The following MICU2 variants were observed in gnomAD, a reference collection of about 807,000 sequenced individuals.
MICU2 encodes mitochondrial calcium uptake 2, also known as calcium uptake protein 2, mitochondrial.
Under a neutral mutation model 60.4 loss-of-function variants are expected in MICU2, and 64 were observed. That is an observed-to-expected ratio of 1.06 (90% confidence interval 0.87 to 1.31). The LOEUF (loss-of-function observed/expected upper bound fraction) is 1.31. Ranked by LOEUF, MICU2 falls within the 50% of genes most tolerant of loss-of-function variation. MICU2 has a pLI of 0.00. For synonymous variants in MICU2, 201 were observed against 175.0 expected (o/e 1.15, Z -1.17); for missense variants, 569 against 531.0 (o/e 1.07, Z -0.70).
intron 2 of MICU2, among the ~76,000 whole-genome samples, chr13:21,554,793 AGAGAG>A (rs1048183810): frequency 3.9e-5 from 6 of 152,158 alleles, no homozygotes; most frequent in African/African-American, 1.4e-4. Flanking sequence ...CTAATAAAGA[AGAGAG>A]AAGAATCAAA....
chr13:21,559,800 C>T (rs958953365), intron 2 of MICU2, among the ~76,000 whole-genome samples: 4 of 152,166 alleles, frequency 2.6e-5, no homozygotes, highest in Non-Finnish European at 5.9e-5. Flanking sequence ...GCTGGGATTA[C>T]AGGGGTGAGC....
chr13:21,549,120 G>T (rs56405037), intron 2 of MICU2, among the ~76,000 whole-genome samples: 2 of 151,344 alleles, frequency 1.3e-5, no homozygotes, highest in Non-Finnish European at 2.9e-5. Flanking sequence ...TAGTAGAGAC[G>T]GGGTTTCACC....
chr13:21,508,128 CTT>C (rs796385356), intron 8 of MICU2, among the ~76,000 whole-genome samples: 29 of 136,834 alleles, frequency 2.1e-4, no homozygotes, highest in Admixed American at 2.9e-4. Context: ...GCTCTTCTTT[CTT>C]TTTTTTTTTT....
rs1593323653 is a variant in MICU2, at chr13:21,520,572, C to A, written c.597+673G>T. 3.3e-5 allele frequency among the ~76,000 whole-genome samples: 5 copies of A among 152,044 alleles called. No individual in the cohort carries two copies. In the South Asian group the frequency reaches 1.0e-3, roughly 31 times the overall value. ...TATGCCATATATATATCTATATTTTCTTTTCTCCATAAGGCACTGCAATCG... is the reference window on the plus strand; with the variant it reads ...TATGCCATATATATATCTATATTTTATTTTCTCCATAAGGCACTGCAATCG... On this transcript the variant is annotated intron_variant, in intron 6 of 11. Transcript: ENST00000382374.
chr13:21,563,428 C>T (rs2138035540), intron 2 of MICU2, among the ~76,000 whole-genome samples: 1 of 150,812 alleles, frequency 6.6e-6, no homozygotes, highest in East Asian at 2.0e-4. Context: ...GCACTCCAGC[C>T]TGGGCTATAG....
At chr13:21,537,660 A>G (rs9316443) in intron 4 of MICU2, among the ~76,000 whole-genome samples, 60,060 of 151,694 alleles carry the variant, frequency 0.4, 12,702 homozygotes, top group East Asian at 0.67. Context: ...TAGTAGAGAC[A>G]GGGTTTCCCC....
intron 11 of MICU2, 35 bp from the exon 12 acceptor site, chr13:21,493,388 T>C: frequency 7.0e-7 from 1 of 1,437,660 alleles, no homozygotes; most frequent in Non-Finnish European, 9.6e-7. Flanking sequence ...GGGGTCATTG[T>C]CTTCAAGGTT....
chr13:21,576,458 A>C (rs1327264558), intron 1 of MICU2, among the ~76,000 whole-genome samples: 1 of 152,214 alleles, frequency 6.6e-6, no homozygotes, highest in East Asian at 1.9e-4. Context: ...AACAACATTT[A>C]GGATATTATA....
intron 1 of MICU2, among the ~76,000 whole-genome samples, chr13:21,593,118 G>A (rs1042669789): frequency 9.2e-5 from 14 of 152,150 alleles, no homozygotes; most frequent in East Asian, 5.8e-4. Context: ...TTAGAAAATC[G>A]CATCATCTCA....
At chr13:21,581,596 G>A (rs888282124) in intron 1 of MICU2, among the ~76,000 whole-genome samples, 15 of 152,014 alleles carry the variant, frequency 9.9e-5, no homozygotes, top group African/African-American at 3.4e-4. Context: ...ATGATAAAAT[G>A]GTAAAATACA....
chr13:21,572,738 A>C (rs1438589034), intron 1 of MICU2, among the ~76,000 whole-genome samples: 1 of 152,102 alleles, frequency 6.6e-6, no homozygotes, highest in Non-Finnish European at 1.5e-5. Flanking sequence ...CTCCAGGCTT[A>C]AGTTTGGGGG....
Position 21,588,064 on chromosome 13 carries a change from C to T in MICU2, c.210+15875G>A, listed in dbSNP as rs372612523. Among the ~76,000 whole-genome samples, 322 of 152,262 alleles carry T rather than the reference C, an allele frequency of 2.1e-3. 1 individual carries two copies. Among genetic ancestry groups the T allele is most frequent in the African/African-American group, 7.5e-3 (310 of 41,536 alleles). On this transcript the variant is annotated intron_variant, in intron 1 of 11. Transcript: ENST00000382374. ...AGTGTCAACCAGGAGTCTTGCCCCC[C>T]GATGTAGAGCTTTTATGCCATAGTT...
intron 1 of MICU2, among the ~76,000 whole-genome samples, chr13:21,579,341 G>GC (rs1374138063): frequency 9.7e-6 from 1 of 103,066 alleles, no homozygotes. Context: ...GCAAAGCTCT[G>GC]CCTTTTTTTT....
At chr13:21,576,887 G>A (rs1888238961) in intron 1 of MICU2, among the ~76,000 whole-genome samples, 1 of 152,066 alleles carries the variant, frequency 6.6e-6, no homozygotes, top group Non-Finnish European at 1.5e-5. Context: ...CACACAAATA[G>A]ATTTTTTTGA....
chr13:21,508,272 C>A (rs1169814627), intron 8 of MICU2, among the ~76,000 whole-genome samples: 1 of 151,988 alleles, frequency 6.6e-6, no homozygotes, highest in African/African-American at 2.4e-5. Flanking sequence ...TCTACAGGTG[C>A]CTGCCACCAT....
At position 21,521,234 on chromosome 13, in the gene MICU2, C is replaced by T. The variant is rs200606334; in HGVS notation, c.597+11G>A. 4.0e-4 allele frequency: 621 copies of T among 1,568,954 alleles called. 1 individual carries two copies. Among genetic ancestry groups the T allele is most frequent in the Middle Eastern group, 1.6e-3 (9 of 5,726 alleles). On this transcript the variant is annotated intron_variant, in intron 6 of 11. Coordinates refer to ENST00000382374, the MANE Select transcript of MICU2 (RefSeq NM_152726.3). ...TTTATGATAAACCTAAAATAATTAG[C>T]GTCCACTTACCTTAAAAAATTCCCT...
chr13:21,563,916 C>CA (rs1441277972), intron 2 of MICU2, among the ~76,000 whole-genome samples: 2 of 151,694 alleles, frequency 1.3e-5, no homozygotes, highest in Admixed American at 1.3e-4. Flanking sequence ...CTCAAGTGAT[C>CA]CTCAGCCTCT....
chr13:21,539,165 G>A, intron 4 of MICU2, 137 bp downstream of exon 4: 1 of 708,354 alleles, frequency 1.4e-6, no homozygotes, highest in Non-Finnish European at 2.3e-6. Context: ...CAAAGACTTT[G>A]AAAAAGTTAC....
chr13:21,518,304 A>G (rs1270035416), intron 6 of MICU2, among the ~76,000 whole-genome samples: 2 of 152,210 alleles, frequency 1.3e-5, no homozygotes, highest in African/African-American at 4.8e-5. Flanking sequence ...GAAAACAACA[A>G]CAACGATATG....
Sources: gnomAD v4.1 joint callset for allele counts (sites outside exome capture counted in the v4.1 genomes callset) on GRCh38, gnomAD v4.1.1 for gene constraint, MANE v1.5 for transcripts, NCBI Gene and HGNC (gene_info 2026-07-23, HGNC 2026-07-21) for gene names.